Variants in MYO18B observed in about 807,000 individuals in gnomAD.
MYO18B encodes myosin XVIIIB.
MYO18B carries 204 observed loss-of-function variants against 273.0 expected under a neutral mutation model. That is an observed-to-expected ratio of 0.75 (90% CI 0.67 to 0.84). MYO18B has a LOEUF of 0.84. Ranked by LOEUF, MYO18B falls within the 40% of genes least tolerant of loss-of-function variation. The pLI, the probability that MYO18B is intolerant of heterozygous loss-of-function variation, is 0.00. For missense variants in MYO18B, 3,212 were observed against 3,287.6 expected (o/e 0.98, Z 0.56); for synonymous variants, 1,330 against 1,305.7 (o/e 1.02, Z -0.40).
At chr22:25,940,718 C>A (rs2092633760) in intron 34 of MYO18B, among the ~76,000 whole-genome samples, 1 of 152,190 alleles carries the variant, frequency 6.6e-6, no homozygotes, top group Non-Finnish European at 1.5e-5. Flanking sequence ...TCTCATCTTA[C>A]CCCTGTGAAC....
intron 25 of MYO18B, among the ~76,000 whole-genome samples, chr22:25,885,594 T>C (rs560768772): frequency 6.6e-6 from 1 of 151,988 alleles, no homozygotes; most frequent in Non-Finnish European, 1.5e-5. Context: ...GGGTTGCCTA[T>C]GGGTTAGAGA....
intron 33 of MYO18B, among the ~76,000 whole-genome samples, chr22:25,914,196 C>G (rs2092216411): frequency 6.6e-6 from 1 of 151,816 alleles, no homozygotes; most frequent in Admixed American, 6.6e-5. Context: ...GTTTTGATAA[C>G]TCGTAGGACA....
chr22:25,912,872 A>G (rs1281192647), intron 33 of MYO18B, among the ~76,000 whole-genome samples: 1 of 152,190 alleles, frequency 6.6e-6, no homozygotes, highest in Non-Finnish European at 1.5e-5. Flanking sequence ...ATGCAGCAAT[A>G]TGATTCTGCA....
chr22:25,925,892 A>G (rs6004833), intron 34 of MYO18B, among the ~76,000 whole-genome samples: 121,249 of 134,356 alleles, frequency 0.9, 55,100 homozygotes, highest in Middle Eastern at 0.98. Flanking sequence ...GCAACAGAGC[A>G]AGACTCTGTC....
intron 17 of MYO18B, among the ~76,000 whole-genome samples, chr22:25,842,093 G>C (rs966041670): frequency 6.6e-6 from 1 of 152,238 alleles, no homozygotes; most frequent in Admixed American, 6.5e-5. Context: ...TGAGCACACA[G>C]TACCTCTAAG....
chr22:25,858,676 C>A (rs888376206), intron 21 of MYO18B, among the ~76,000 whole-genome samples: 1 of 152,038 alleles, frequency 6.6e-6, no homozygotes, highest in African/African-American at 2.4e-5. Flanking sequence ...CAGTTAGACC[C>A]CAAAATCTGG....
intron 34 of MYO18B, among the ~76,000 whole-genome samples, chr22:25,938,439 G>T (rs2092606213): frequency 6.6e-6 from 1 of 152,218 alleles, no homozygotes; most frequent in Admixed American, 6.5e-5. Context: ...AGTCTTTGGG[G>T]TGGCCCAGGA....
At chr22:26,059,884 G>A in the MYO18B span, among the ~76,000 whole-genome samples, 13 of 152,204 alleles carry the variant, frequency 8.5e-5, no homozygotes, top group Non-Finnish European at 1.6e-4. Flanking sequence ...GAAGGTGTAT[G>A]GCACTAGGTT....
rs28559659 is a variant in MYO18B, at chr22:25,864,357, G to C, written c.3886-3963G>C. Reference sequence around the variant, plus strand: ...TTTTATCCATATTTATCTTGTTTTGGGGGGAGGGGAGAGGATTTATTAAGC... The same window carrying C: ...TTTTATCCATATTTATCTTGTTTTGCGGGGAGGGGAGAGGATTTATTAAGC... On this transcript the variant is annotated intron_variant, in intron 21 of 43. Coordinates refer to ENST00000335473, the MANE Select transcript of MYO18B (RefSeq NM_032608.7). 6.4e-3 allele frequency among the ~76,000 whole-genome samples: 974 copies of C among 152,258 alleles called. 11 individuals are homozygous for C. Among genetic ancestry groups the C allele is most frequent in the African/African-American group, 0.022 (930 of 41,520 alleles).
At chr22:25,938,343 A>G (rs752489124) in intron 34 of MYO18B, among the ~76,000 whole-genome samples, 4 of 152,346 alleles carry the variant, frequency 2.6e-5, no homozygotes, top group East Asian at 1.9e-4. Context: ...AGGAATCTCA[A>G]TTGGCCTCAC....
intron 33 of MYO18B, among the ~76,000 whole-genome samples, chr22:25,916,523 G>C (rs1396905355): frequency 6.6e-6 from 1 of 151,990 alleles, no homozygotes; most frequent in Non-Finnish European, 1.5e-5. Context: ...TAAGTGTCTT[G>C]TTGTATCTTT....
intron 17 of MYO18B, among the ~76,000 whole-genome samples, chr22:25,840,859 A>G (rs2145981696): frequency 6.6e-6 from 1 of 152,312 alleles, no homozygotes; most frequent in Admixed American, 6.5e-5. Flanking sequence ...GCAGTGTGCT[A>G]TAAAGCCCTC....
intron 1 of MYO18B, among the ~76,000 whole-genome samples, chr22:25,758,544 C>T (rs1004164730): frequency 4.6e-5 from 7 of 151,570 alleles, no homozygotes; most frequent in African/African-American, 1.7e-4. Context: ...GAGGGGCCGA[C>T]GCACACAGGA....
chr22:25,899,983 C>G (rs1400540151), intron 29 of MYO18B: 2 of 152,186 alleles, frequency 1.3e-5, no homozygotes, highest in African/African-American at 4.8e-5. Flanking sequence ...TTCTGAGAGG[C>G]CTAACTGAGG....
chr22:26,002,172 T>TCC (rs1239607051), intron 40 of MYO18B, among the ~76,000 whole-genome samples: 1 of 152,232 alleles, frequency 6.6e-6, no homozygotes, highest in Non-Finnish European at 1.5e-5. Flanking sequence ...AGTAAATATT[T>TCC]AGCCTTTTCA....
chr22:25,815,458 A>G (rs940562029), intron 12 of MYO18B, among the ~76,000 whole-genome samples: 3 of 152,228 alleles, frequency 2.0e-5, no homozygotes, highest in African/African-American at 7.2e-5. Flanking sequence ...GTAGCTTGAC[A>G]CATTCAATGT....
intron 2 of MYO18B, 79 bp downstream of exon 2, chr22:25,761,210 C>T (rs2086302226): frequency 6.6e-7 from 1 of 1,511,958 alleles, no homozygotes; most frequent in Non-Finnish European, 9.1e-7. Flanking sequence ...CGACCTTTCC[C>T]ACCTTGAGTG....
downstream of MYO18B, among the ~76,000 whole-genome samples, chr22:26,032,302 G>A (rs929315095): frequency 2.0e-5 from 3 of 152,166 alleles, no homozygotes; most frequent in African/African-American, 7.2e-5. Context: ...GTTTCTGGAG[G>A]CAGGAAGTCT....
intron 34 of MYO18B, among the ~76,000 whole-genome samples, chr22:25,937,585 C>CTT (rs68167882): frequency 7.1e-6 from 1 of 140,620 alleles, no homozygotes; most frequent in African/African-American, 2.6e-5. Context: ...GCCTGACATT[C>CTT]TTTTTTTTTT....
Sources: gnomAD v4.1 joint callset for allele counts (sites outside exome capture counted in the v4.1 genomes callset) on GRCh38, gnomAD v4.1.1 for gene constraint, MANE v1.5 for transcripts, NCBI Gene and HGNC (gene_info 2026-07-23, HGNC 2026-07-21) for gene names.